PCLO: variants seen among roughly 807,000 people sequenced by gnomAD.
PCLO encodes the protein protein piccolo.
Under a neutral mutation model 427.5 loss-of-function variants are expected in PCLO, and 82 were observed. That is an observed-to-expected ratio of 0.19 (90% CI 0.16 to 0.23). PCLO has a LOEUF of 0.23. PCLO is among the 10% of genes least tolerant of loss of function. The pLI, the probability that PCLO is intolerant of heterozygous loss-of-function variation, is 1.00. For synonymous variants in PCLO, 2,357 were observed against 2,155.4 expected, an observed-to-expected ratio of 1.09 and a Z score of -2.59; for missense variants, 6,239 against 6,115.9, an observed-to-expected ratio of 1.02 and a Z score of -0.67.
rs1380462277 is a variant in PCLO at position 82,953,751 on chromosome 7, A to C, written c.7202T>G (p.Ile2401Arg). 2.5e-5 allele frequency: 38 copies of C among 1,545,890 alleles called. No homozygotes were observed. Among genetic ancestry groups the C allele is most frequent in the Non-Finnish European group, 3.2e-5 (37 of 1,142,896 alleles). ...AGGAGGGGGAGGAGGTTGAGCTGAT[A>C]TATCCAAAGAAGAACTTCTAAAGAA... is the stretch of plus-strand genomic sequence containing the variant. ...RPFFRSSSLD[I>R]SAQPPPPPPP... Residue 2401 changes from isoleucine (I) to arginine (R), a missense_variant, in exon 5 of 25, where the codon ATA becomes AGA. Ile to Arg is a moderately conservative substitution (Grantham distance 97, BLOSUM62 -3). Transcript: ENST00000333891.
intron 1 of PCLO, among the ~76,000 whole-genome samples, chr7:83,157,322 T>C (rs1448842857): frequency 6.6e-6 from 1 of 152,168 alleles, no homozygotes. Flanking sequence ...CCAAAATTTT[T>C]ATGGGAAGCA....
At chr7:82,839,421 T>C (rs1353090284) in intron 14 of PCLO, among the ~76,000 whole-genome samples, 3 of 151,980 alleles carry the variant, frequency 2.0e-5, no homozygotes, top group African/African-American at 7.2e-5. Flanking sequence ...CTAGAGTCCC[T>C]GACCATAATA....
At chr7:82,999,251 G>T in intron 3 of PCLO, among the ~76,000 whole-genome samples, 1 of 141,080 alleles carries the variant, frequency 7.1e-6, no homozygotes, top group East Asian at 2.1e-4. Flanking sequence ...AATATATATG[G>T]ATATATAATA....
At chr7:83,060,454 A>C (rs1789516108) in intron 3 of PCLO, among the ~76,000 whole-genome samples, 1 of 152,142 alleles carries the variant, frequency 6.6e-6, no homozygotes, top group Non-Finnish European at 1.5e-5. Context: ...CCTGCCCCAG[A>C]CTGCTGCTCA....
rs776328303 is a variant in PCLO at position 83,155,721 on chromosome 7, T to C, written c.920A>G (p.Gln307Arg). The C allele has an allele frequency of 2.5e-6, 4 of 1,613,866 alleles. No individual in the cohort carries two copies. The highest frequency in any genetic ancestry group is 3.4e-6 in the Non-Finnish European group (4 of 1,179,894). ...TGGAGGTTTTCCAGGAGTTGGTTGC[T>C]GAATAGGTGGTTTGGATGGGCTTGG... ...SLPSPSKPPI[Q>R]QPTPGKPPAQ... The change falls in exon 2 of 25, where the codon CAG becomes CGG. Residue 307 changes from glutamine (Q) to arginine (R), a missense_variant. By Grantham distance (43) the Gln-to-Arg change is conservative. This residue lies in a region of PCLO where 4,677 missense variants were observed against 4,468.4 expected (regional missense o/e 1.05). Transcript: ENST00000333891.
At chr7:83,071,794 T>C (rs1006565062) in intron 3 of PCLO, among the ~76,000 whole-genome samples, 1 of 152,188 alleles carries the variant, frequency 6.6e-6, no homozygotes, top group Non-Finnish European at 1.5e-5. Context: ...AACAATATAC[T>C]GATCTTTATT....
intron 20 of PCLO, among the ~76,000 whole-genome samples, chr7:82,818,107 G>A (rs561376515): frequency 4.6e-5 from 7 of 150,950 alleles, no homozygotes; most frequent in African/African-American, 1.5e-4. Flanking sequence ...AACAACAACC[G>A]AAAACATTTC....
chr7:82,880,646 G>A (rs2116051923), intron 9 of PCLO, among the ~76,000 whole-genome samples: 1 of 152,284 alleles, frequency 6.6e-6, no homozygotes, highest in East Asian at 1.9e-4. Context: ...CTGGCATTTA[G>A]TGGATAGAGG....
At position 82,777,477 on chromosome 7, in the gene PCLO, G is replaced by C. The variant is rs906125311; in HGVS notation, c.15008-15984C>G. ...CCTAAGCAAAAAGAACAAAGTAGGA[G>C]GCATTATGCTCCCCTACTTCAACCT... is the stretch of plus-strand genomic sequence containing the variant. On this transcript the variant is annotated intron_variant, in intron 22 of 24. Coordinates refer to ENST00000333891, the MANE Select transcript of PCLO (RefSeq NM_033026.6). Among the ~76,000 whole-genome samples, 3 of 152,112 alleles carry C rather than the reference G, an allele frequency of 2.0e-5. No individual in the cohort carries two copies. In the East Asian group the frequency reaches 5.8e-4, roughly 29 times the overall value.
intron 3 of PCLO, among the ~76,000 whole-genome samples, chr7:83,040,650 A>G (rs1376817689): frequency 6.6e-6 from 1 of 152,154 alleles, no homozygotes; most frequent in Non-Finnish European, 1.5e-5. Context: ...TAATAAATCT[A>G]TCAATCATCT....
At chr7:82,782,577 A>G (rs1790895839) in intron 22 of PCLO, among the ~76,000 whole-genome samples, 1 of 152,194 alleles carries the variant, frequency 6.6e-6, no homozygotes, top group Admixed American at 6.5e-5. Flanking sequence ...AGAATGTTCT[A>G]TTCTGGAAAT....
intron 22 of PCLO, among the ~76,000 whole-genome samples, chr7:82,780,654 TCTC>T (rs1440238303): frequency 6.6e-6 from 1 of 152,220 alleles, no homozygotes; most frequent in Admixed American, 6.5e-5. Context: ...TTCTCGCCAT[TCTC>T]CTGCCTCAGC....
At position 82,786,948 on chromosome 7, in the gene PCLO, C is replaced by A. The variant is rs531714953; in HGVS notation, c.15007+14570G>T. On this transcript the variant is annotated intron_variant, in intron 22 of 24. Coordinates refer to ENST00000333891, the MANE Select transcript of PCLO (RefSeq NM_033026.6). Reference sequence around the variant, plus strand: ...TCCTTTTTTATGGCTGTATAGTATTCCATGGTGTATATGTGCCACGTTTTC... The same window carrying A: ...TCCTTTTTTATGGCTGTATAGTATTACATGGTGTATATGTGCCACGTTTTC... Among the ~76,000 whole-genome samples the A allele has an allele frequency of 2.0e-5, 3 of 152,160 alleles. No individual in the cohort carries two copies. The East Asian group carries it at 5.8e-4, about 29-fold the overall frequency.
At chr7:83,093,492 A>ATATATATATTTTTTTTTTTTTTTTTTTTT in intron 3 of PCLO, among the ~76,000 whole-genome samples, 1 of 59,322 alleles carries the variant, frequency 1.7e-5, no homozygotes, top group Non-Finnish European at 3.3e-5. Context: ...ATATATATAT[A>ATATATATATTTTTTTTTTTTTTTTTTTTT]TTTTTTTTTT....
intron 10 of PCLO, among the ~76,000 whole-genome samples, chr7:82,867,589 A>G (rs187313294): frequency 1.3e-4 from 20 of 152,300 alleles, no homozygotes; most frequent in Non-Finnish European, 8.8e-5. Context: ...GAAAAAGTGC[A>G]GTCTATTCCA....
At chr7:83,051,984 T>C (rs112214399) in intron 3 of PCLO, among the ~76,000 whole-genome samples, 33 of 151,714 alleles carry the variant, frequency 2.2e-4, no homozygotes, top group African/African-American at 7.2e-4. Flanking sequence ...TACATCCACA[T>C]GCAAAAAAAT....
chr7:82,794,268 T>C (rs1791167795), intron 22 of PCLO, among the ~76,000 whole-genome samples: 1 of 151,882 alleles, frequency 6.6e-6, no homozygotes, highest in Non-Finnish European at 1.5e-5. Context: ...TTTAAAGAAA[T>C]GTGTTGTATT....
At chr7:82,848,296 AT>A (rs1158282350) in intron 10 of PCLO, among the ~76,000 whole-genome samples, 1 of 133,620 alleles carries the variant, frequency 7.5e-6, no homozygotes, top group Non-Finnish European at 1.6e-5. Flanking sequence ...TTGTTGAACC[AT>A]TAGTTAGTTT....
intron 22 of PCLO, among the ~76,000 whole-genome samples, chr7:82,762,686 AATC>A (rs1159599131): frequency 6.6e-6 from 1 of 152,130 alleles, no homozygotes; most frequent in Non-Finnish European, 1.5e-5. Flanking sequence ...TAAAGAACAT[AATC>A]ATATTTTCCA....
Sources: gnomAD v4.1 joint callset for allele counts (sites outside exome capture counted in the v4.1 genomes callset) on GRCh38, gnomAD v4.1.1 for gene constraint, gnomAD v4.1.1 regional missense constraint, MANE v1.5 for transcripts, NCBI Gene and HGNC (gene_info 2026-07-23, HGNC 2026-07-21) for gene names.